The following PRELID2 variants were observed in gnomAD, a reference collection of about 807,000 sequenced individuals.
PRELID2 encodes PRELI domain containing 2, also known as PRELI domain-containing protein 2.
Under a neutral mutation model 28.4 loss-of-function variants are expected in PRELID2, and 25 were observed. The observed-to-expected ratio is 0.88, with a 90% CI of 0.64 to 1.23. The LOEUF (loss-of-function observed/expected upper bound fraction) is 1.23, where lower values mean the gene tolerates loss of function less well. PRELID2 is among the 50% of genes most tolerant of loss of function. The probability of loss-of-function intolerance (pLI) is 0.00; values close to 1 mark genes in which losing one functional copy is unlikely to be tolerated. For synonymous variants in PRELID2, 76 were observed against 71.6 expected (o/e 1.06, Z -0.31); for missense variants, 201 against 214.4 (o/e 0.94, Z 0.39).
chr5:145,568,549 T>C (rs1752988329), intron 1 of PRELID2, among the ~76,000 whole-genome samples: 1 of 152,246 alleles, frequency 6.6e-6, no homozygotes, highest in Non-Finnish European at 1.5e-5. Context: ...TTATTTACTA[T>C]CTATAAGATT....
At chr5:145,290,207 C>G in the PRELID2 span, among the ~76,000 whole-genome samples, 2 of 152,100 alleles carry the variant, frequency 1.3e-5, no homozygotes. Flanking sequence ...CCTCAAGGAT[C>G]TAGAACTAGA....
chr5:145,511,007 G>A (rs1752455993), intron 1 of PRELID2, among the ~76,000 whole-genome samples: 1 of 152,202 alleles, frequency 6.6e-6, no homozygotes. Flanking sequence ...GCTGACTGAG[G>A]TATGTGGTGT....
intron 1 of PRELID2, among the ~76,000 whole-genome samples, chr5:145,509,267 A>G (rs1260038552): frequency 1.3e-5 from 2 of 152,212 alleles, no homozygotes; most frequent in Non-Finnish European, 2.9e-5. Flanking sequence ...CGAAAGCTGC[A>G]ACAGATTTAT....
intron 1 of PRELID2, chr5:145,729,098 C>G: frequency 1.7e-6 from 1 of 590,606 alleles, no homozygotes; most frequent in Non-Finnish European, 3.0e-6. Flanking sequence ...TTCACTTGGT[C>G]CCATTGTTAC....
intron 1 of PRELID2, among the ~76,000 whole-genome samples, chr5:145,700,723 T>C (rs1755386676): frequency 6.6e-6 from 1 of 152,164 alleles, no homozygotes; most frequent in Admixed American, 6.5e-5. Flanking sequence ...TGGGGATCCC[T>C]GAGTGAACAC....
chr5:145,716,106 T>C (rs921051230), intron 1 of PRELID2, among the ~76,000 whole-genome samples: 2 of 152,180 alleles, frequency 1.3e-5, no homozygotes, highest in African/African-American at 4.8e-5. Context: ...ACTTTATATG[T>C]AGCCCAAGAC....
chr5:145,770,523 G>A (rs75902004), intron 5 of PRELID2, among the ~76,000 whole-genome samples: 4,018 of 152,130 alleles, frequency 0.026, 89 homozygotes, highest in South Asian at 0.054. Context: ...AAGGTTAACT[G>A]TAAAACAGCC....
chr5:145,505,948 CT>C (rs1298453934), intron 1 of PRELID2, among the ~76,000 whole-genome samples: 2 of 152,084 alleles, frequency 1.3e-5, no homozygotes, highest in African/African-American at 4.8e-5. Flanking sequence ...AAAAGTCAAA[CT>C]CATAGAAATG....
At chr5:145,307,397 GAC>G in the PRELID2 span, among the ~76,000 whole-genome samples, 1 of 152,170 alleles carries the variant, frequency 6.6e-6, no homozygotes, top group Admixed American at 6.5e-5. Context: ...AATCTAGGAA[GAC>G]ACATAAACTG....
the PRELID2 span, among the ~76,000 whole-genome samples, chr5:145,280,528 CT>C: frequency 6.6e-6 from 1 of 151,928 alleles, no homozygotes; most frequent in African/African-American, 2.4e-5. Flanking sequence ...GTTTGGATAG[CT>C]TTAGGAGATA....
At chr5:145,285,688 C>T in the PRELID2 span, among the ~76,000 whole-genome samples, 3 of 152,152 alleles carry the variant, frequency 2.0e-5, no homozygotes, top group African/African-American at 7.2e-5. Context: ...AATCTCTGCA[C>T]AATTAGACTT....
the PRELID2 span, among the ~76,000 whole-genome samples, chr5:145,231,575 C>T: frequency 3.3e-5 from 5 of 152,208 alleles, no homozygotes; most frequent in Non-Finnish European, 7.3e-5. Flanking sequence ...TAAACAGTTG[C>T]ACCTCTCATG....
chr5:145,618,693 C>A (rs1228072508), intron 1 of PRELID2, among the ~76,000 whole-genome samples: 1 of 152,152 alleles, frequency 6.6e-6, no homozygotes, highest in Non-Finnish European at 1.5e-5. Flanking sequence ...CAGGGAGCAT[C>A]AGCTGTGGTA....
chr5:145,623,205 C>T (rs1405599173), intron 1 of PRELID2, among the ~76,000 whole-genome samples: 1 of 151,518 alleles, frequency 6.6e-6, no homozygotes, highest in South Asian at 2.1e-4. Context: ...AATCCCAGCA[C>T]TTTGGGAGGC....
At chr5:145,403,625 G>C in the PRELID2 span, among the ~76,000 whole-genome samples, 1 of 152,132 alleles carries the variant, frequency 6.6e-6, no homozygotes, top group Non-Finnish European at 1.5e-5. Flanking sequence ...TTTATATTGG[G>C]TTTGCTATGT....
At chr5:145,571,004 T>C (rs28370349) in intron 1 of PRELID2, among the ~76,000 whole-genome samples, 2,246 of 152,354 alleles carry the variant, frequency 0.015, 59 homozygotes, top group African/African-American at 0.051. Context: ...TCTTAATAAA[T>C]GTCTGCTGAA....
At position 145,803,046 on chromosome 5, in the gene PRELID2, T is replaced by C. The variant is rs78825236; in HGVS notation, c.369-6499A>G. On this transcript the variant is annotated intron_variant, in intron 4 of 6. Transcript: ENST00000683046. ...TCATGATGGGAATCTAATTAAAGTGTCTTTGAGGGGCAAAAAAAGCTTCCA... is the reference window on the plus strand; with the variant it reads ...TCATGATGGGAATCTAATTAAAGTGCCTTTGAGGGGCAAAAAAAGCTTCCA... Among the ~76,000 whole-genome samples the C allele has an allele frequency of 3.9e-3, 597 of 152,242 alleles. 4 individuals are homozygous for C. The highest frequency in any genetic ancestry group is 7.3e-3 in the Non-Finnish European group (499 of 68,014).
At chr5:145,624,907 T>C (rs1753822328) in intron 1 of PRELID2, among the ~76,000 whole-genome samples, 1 of 152,058 alleles carries the variant, frequency 6.6e-6, no homozygotes, top group Non-Finnish European at 1.5e-5. Flanking sequence ...AACAATACAA[T>C]GGAAAAATTG....
chr5:145,537,369 T>A (rs575047197), intron 1 of PRELID2, among the ~76,000 whole-genome samples: 1 of 151,942 alleles, frequency 6.6e-6, no homozygotes, highest in East Asian at 1.9e-4. Flanking sequence ...ATATGGTAGT[T>A]CTATTTTTGA....
Sources: allele counts gnomAD v4.1 joint callset (sites outside exome capture counted in the v4.1 genomes callset), GRCh38; gene constraint gnomAD v4.1.1; transcripts MANE v1.5; gene names NCBI Gene and HGNC (gene_info 2026-07-23, HGNC 2026-07-21).